JARID2: variants seen among roughly 807,000 people sequenced by gnomAD.
JARID2 encodes the protein jumonji and AT-rich interaction domain containing 2, also known as protein Jumonji.
JARID2 carries 21 observed loss-of-function variants against 125.6 expected under a neutral mutation model. The observed-to-expected ratio is 0.17, with a 90% CI of 0.12 to 0.24. JARID2 has a LOEUF of 0.24. Among genes scored for constraint, JARID2 ranks in the 10% least tolerant of loss-of-function variants. The probability of loss-of-function intolerance (pLI) is 1.00; values close to 1 mark genes in which losing one functional copy is unlikely to be tolerated. For missense variants in JARID2, 1,303 were observed against 1,639.6 expected (o/e 0.79, Z 3.55); for synonymous variants, 736 against 661.6 (o/e 1.11, Z -1.73).
At chr6:15,324,637 T>C (rs962148110) in intron 1 of JARID2, among the ~76,000 whole-genome samples, 11 of 151,104 alleles carry the variant, frequency 7.3e-5, no homozygotes, top group Admixed American at 2.6e-4. Flanking sequence ...CCACCACGCC[T>C]GGCTGATTTT....
At chr6:15,319,371 A>G (rs1762278452) in intron 1 of JARID2, among the ~76,000 whole-genome samples, 1 of 151,908 alleles carries the variant, frequency 6.6e-6, no homozygotes, top group Non-Finnish European at 1.5e-5. Flanking sequence ...TTTGTGTCTG[A>G]GTGACATGGA....
chr6:15,287,441 G>A (rs978529725), intron 1 of JARID2, among the ~76,000 whole-genome samples: 1 of 152,164 alleles, frequency 6.6e-6, no homozygotes, highest in East Asian at 1.9e-4. Flanking sequence ...TTAAAATAAT[G>A]ATGTTATTTC....
rs1232066426 is a variant in JARID2 at position 15,520,685 on chromosome 6, ACG to A, written c.*438_*439del. The A allele has an allele frequency of 8.9e-6, 3 of 337,658 alleles. No homozygotes were observed. Among genetic ancestry groups the A allele is most frequent in the Non-Finnish European group, 1.9e-5 (3 of 158,154 alleles). The allele number at this position is 337,658 out of a possible 1,614,324, so 20.9% of individuals were successfully genotyped here. ...ATTTTTTAGAAGGGATAGGAGACAC[ACG>A]CGCACACACACACACACACGAAACT... On this transcript the variant is annotated 3_prime_UTR_variant, in exon 18 of 18. Coordinates refer to ENST00000341776, the MANE Select transcript of JARID2 (RefSeq NM_004973.4).
At chr6:15,388,259 C>T (rs888259092) in intron 2 of JARID2, among the ~76,000 whole-genome samples, 3 of 152,124 alleles carry the variant, frequency 2.0e-5, no homozygotes, top group Non-Finnish European at 4.4e-5. Context: ...TTGGAAATAA[C>T]CTGTTATTAC....
chr6:15,426,242 T>G (rs1170466177), intron 3 of JARID2, among the ~76,000 whole-genome samples: 1 of 152,198 alleles, frequency 6.6e-6, no homozygotes, highest in Admixed American at 6.5e-5. Context: ...TGAAGGGTTC[T>G]TTGTGCTTCT....
chr6:15,283,346 T>G (rs1467253212), intron 1 of JARID2, among the ~76,000 whole-genome samples: 1 of 149,398 alleles, frequency 6.7e-6, no homozygotes, highest in Non-Finnish European at 1.5e-5. Context: ...TAAGTATTTT[T>G]TTTTTTTTTT....
chr6:15,282,570 CTCTTTT>C (rs1195897518), intron 1 of JARID2, among the ~76,000 whole-genome samples: 2 of 149,266 alleles, frequency 1.3e-5, no homozygotes, highest in African/African-American at 4.9e-5. Flanking sequence ...TTCTCTCTTT[CTCTTTT>C]GTCTCTCCCC....
At chr6:15,384,093 C>T (rs950994271) in intron 2 of JARID2, among the ~76,000 whole-genome samples, 5 of 152,164 alleles carry the variant, frequency 3.3e-5, no homozygotes, top group African/African-American at 9.7e-5. Flanking sequence ...CGTGCCCAAC[C>T]TATTTTTTTA....
At chr6:15,381,872 T>C (rs1764602247) in intron 2 of JARID2, among the ~76,000 whole-genome samples, 1 of 152,232 alleles carries the variant, frequency 6.6e-6, no homozygotes, top group Admixed American at 6.5e-5. Context: ...AACAAAACAG[T>C]GCTTCCAATG....
At chr6:15,297,274 C>A (rs1331935223) in intron 1 of JARID2, among the ~76,000 whole-genome samples, 1 of 152,052 alleles carries the variant, frequency 6.6e-6, no homozygotes, top group African/African-American at 2.4e-5. Flanking sequence ...CTCAGCCTCC[C>A]GAGTAGCTGG....
chr6:15,468,486 T>C (rs1768854231), intron 4 of JARID2, 56 bp from the exon 5 acceptor site: 1 of 1,452,856 alleles, frequency 6.9e-7, no homozygotes, highest in Admixed American at 2.3e-5. Flanking sequence ...GTGTTCCTTC[T>C]GGAAAGGGTG....
chr6:15,469,640 T>G (rs1194233367), intron 5 of JARID2, among the ~76,000 whole-genome samples: 1 of 150,858 alleles, frequency 6.6e-6, no homozygotes, highest in Non-Finnish European at 1.5e-5. Context: ...AATAGAGAAG[T>G]GACTTAAATG....
intron 2 of JARID2, among the ~76,000 whole-genome samples, chr6:15,405,104 G>A (rs1224206080): frequency 6.6e-6 from 1 of 152,128 alleles, no homozygotes; most frequent in Admixed American, 6.5e-5. Flanking sequence ...GGCCTAATTT[G>A]TGTTTCAATT....
chr6:15,253,596 C>A (rs936524870), intron 1 of JARID2, among the ~76,000 whole-genome samples: 1 of 151,988 alleles, frequency 6.6e-6, no homozygotes, highest in African/African-American at 2.4e-5. Context: ...ACTGGCAGCT[C>A]GACTACCACT....
chr6:15,483,217 A>G (rs747233106), intron 5 of JARID2, among the ~76,000 whole-genome samples: 26 of 152,246 alleles, frequency 1.7e-4, no homozygotes, highest in South Asian at 6.2e-4. Context: ...AACTTGCACA[A>G]TCACACAAGT....
chr6:15,471,924 A>G (rs1358675667), intron 5 of JARID2, among the ~76,000 whole-genome samples: 1 of 152,144 alleles, frequency 6.6e-6, no homozygotes, highest in African/African-American at 2.4e-5. Context: ...ATCTCTGTGC[A>G]TTTACACAGA....
intron 5 of JARID2, among the ~76,000 whole-genome samples, chr6:15,477,087 C>T (rs897627537): frequency 2.0e-5 from 3 of 152,074 alleles, no homozygotes; most frequent in African/African-American, 4.8e-5. Flanking sequence ...ATATCGTTTT[C>T]TGAAGAGGGA....
chr6:15,283,214 G>A (rs1388290805), intron 1 of JARID2, among the ~76,000 whole-genome samples: 2 of 151,206 alleles, frequency 1.3e-5, no homozygotes, highest in South Asian at 2.1e-4. Context: ...TGCCGACCTT[G>A]TGATCTGCCC....
At chr6:15,347,825 G>A (rs1436766758) in intron 1 of JARID2, among the ~76,000 whole-genome samples, 2 of 152,012 alleles carry the variant, frequency 1.3e-5, no homozygotes, top group Non-Finnish European at 2.9e-5. Context: ...TCAAGTGGAG[G>A]CTCAAGTAGA....
Sources: gnomAD v4.1 joint callset for allele counts (sites outside exome capture counted in the v4.1 genomes callset) on GRCh38, gnomAD v4.1.1 for gene constraint, MANE v1.5 for transcripts, NCBI Gene and HGNC (gene_info 2026-07-23, HGNC 2026-07-21) for gene names.